EPHB2: variants seen among roughly 807,000 people sequenced by gnomAD.
EPHB2 encodes ephrin type-B receptor 2.
EPHB2 carries 18 observed loss-of-function variants against 96.4 expected under a neutral mutation model. That is an observed-to-expected ratio of 0.19 (90% CI 0.13 to 0.28). The LOEUF (loss-of-function observed/expected upper bound fraction) is 0.28. Ranked by LOEUF, EPHB2 falls within the 10% of genes least tolerant of loss-of-function variation. The pLI is 1.00. For missense variants in EPHB2, 989 were observed against 1,355.4 expected (o/e 0.73, Z 4.25); for synonymous variants, 506 against 534.1 (o/e 0.95, Z 0.72).
intron 3 of EPHB2, among the ~76,000 whole-genome samples, chr1:22,826,695 G>A (rs1645229244): frequency 6.6e-6 from 1 of 152,196 alleles, no homozygotes. Context: ...AGCTGGTCTG[G>A]CTCACTGTGT....
At chr1:22,852,775 T>C (rs1645642162) in intron 3 of EPHB2, among the ~76,000 whole-genome samples, 1 of 152,216 alleles carries the variant, frequency 6.6e-6, no homozygotes, top group Non-Finnish European at 1.5e-5. Context: ...CAGGGGACCT[T>C]GCAGCCTGTC....
chr1:22,852,411 C>A (rs555497399), intron 3 of EPHB2, among the ~76,000 whole-genome samples: 3 of 152,214 alleles, frequency 2.0e-5, no homozygotes, highest in Non-Finnish European at 4.4e-5. Context: ...AATGTCCTTC[C>A]TTAATTGCTT....
chr1:22,800,106 C>G (rs1487720704), intron 3 of EPHB2: 1 of 152,400 alleles, frequency 6.6e-6, no homozygotes, highest in Non-Finnish European at 1.5e-5. Flanking sequence ...AGCTGTCTGT[C>G]TGTGGGAGCT....
chr1:22,718,637 C>T (rs887362066), intron 1 of EPHB2, among the ~76,000 whole-genome samples: 3 of 152,076 alleles, frequency 2.0e-5, no homozygotes, highest in African/African-American at 7.2e-5. Flanking sequence ...ATCCACCTGC[C>T]TCGGCCTCCC....
At chr1:22,890,453 A>G (rs1184219931) in intron 6 of EPHB2, among the ~76,000 whole-genome samples, 2 of 152,008 alleles carry the variant, frequency 1.3e-5, no homozygotes, top group Non-Finnish European at 2.9e-5. Flanking sequence ...AGCCCCCTTC[A>G]TATCCCCTAC....
intron 3 of EPHB2, among the ~76,000 whole-genome samples, chr1:22,848,713 G>A (rs1162725960): frequency 1.3e-5 from 2 of 152,168 alleles, no homozygotes; most frequent in Admixed American, 1.3e-4. Flanking sequence ...CAAGATCCTT[G>A]TTGTTTGTAT....
intron 1 of EPHB2, among the ~76,000 whole-genome samples, chr1:22,748,736 A>G (rs1250515195): frequency 3.4e-5 from 5 of 148,434 alleles, no homozygotes; most frequent in African/African-American, 1.3e-4. Context: ...ATGTACATAC[A>G]TAAACACACA....
At chr1:22,848,760 G>A (rs150435677) in intron 3 of EPHB2, among the ~76,000 whole-genome samples, 1,560 of 152,204 alleles carry the variant, frequency 0.01, 16 homozygotes, top group South Asian at 0.019. Flanking sequence ...CAAATGCTGG[G>A]ACCTCGAGTG....
intron 1 of EPHB2, among the ~76,000 whole-genome samples, chr1:22,730,303 G>A (rs1454849298): frequency 3.3e-5 from 5 of 152,242 alleles, no homozygotes; most frequent in Admixed American, 2.0e-4. Flanking sequence ...CGGATATCAA[G>A]CCAGGTGGCC....
At chr1:22,749,666 G>A (rs1003646945) in intron 1 of EPHB2, among the ~76,000 whole-genome samples, 1 of 152,152 alleles carries the variant, frequency 6.6e-6, no homozygotes, top group Non-Finnish European at 1.5e-5. Context: ...AGGATGGAGA[G>A]GGGAAGGATG....
intron 3 of EPHB2, among the ~76,000 whole-genome samples, chr1:22,837,144 T>G (rs1387388221): frequency 6.6e-6 from 1 of 152,142 alleles, no homozygotes; most frequent in Non-Finnish European, 1.5e-5. Flanking sequence ...GGGAGAGCTG[T>G]CAGTCATTCA....
intron 9 of EPHB2, among the ~76,000 whole-genome samples, chr1:22,898,820 T>C (rs976126428): frequency 1.2e-3 from 190 of 152,266 alleles, no homozygotes; most frequent in Non-Finnish European, 2.6e-4. Context: ...GCTGCAGGAC[T>C]GGATGTGGAT....
At chr1:22,798,329 T>G (rs922324454) in intron 3 of EPHB2, among the ~76,000 whole-genome samples, 1 of 152,102 alleles carries the variant, frequency 6.6e-6, no homozygotes, top group Non-Finnish European at 1.5e-5. Flanking sequence ...GCCCCACAGG[T>G]CTGTCTGTGG....
At chr1:22,887,797 A>G (rs1639272484) in intron 6 of EPHB2, among the ~76,000 whole-genome samples, 1 of 152,178 alleles carries the variant, frequency 6.6e-6, no homozygotes, top group African/African-American at 2.4e-5. Flanking sequence ...GCCCACATCA[A>G]TTTTAGAATT....
rs867369534 is a variant in EPHB2 at position 22,910,592 on chromosome 1, G to T, written c.2696+17G>T. Reference sequence around the variant, plus strand: ...CTCCTCTGGGTAAGGCCCCACCCTGGCCCTGCCCCAGCCAGGCCCTGCCCC... The same window carrying T: ...CTCCTCTGGGTAAGGCCCCACCCTGTCCCTGCCCCAGCCAGGCCCTGCCCC... On this transcript the variant is annotated intron_variant, in intron 14 of 15. Transcript: ENST00000374630. 23 of 1,613,258 alleles carry T rather than the reference G, an allele frequency of 1.4e-5. No homozygotes were observed. The highest frequency in any genetic ancestry group is 1.9e-5 in the Non-Finnish European group (23 of 1,179,762).
At chr1:22,798,296 T>C (rs983923454) in intron 3 of EPHB2, among the ~76,000 whole-genome samples, 1 of 152,154 alleles carries the variant, frequency 6.6e-6, no homozygotes, top group Non-Finnish European at 1.5e-5. Context: ...GGAGGGCTCC[T>C]GAGGGACTGA....
chr1:22,736,904 C>A (rs935377751), intron 1 of EPHB2, among the ~76,000 whole-genome samples: 1 of 152,098 alleles, frequency 6.6e-6, no homozygotes, highest in Non-Finnish European at 1.5e-5. Flanking sequence ...TGGGGGAGAC[C>A]GATTGGCTCG....
chr1:22,859,513 A>G (rs1387428268), intron 3 of EPHB2, among the ~76,000 whole-genome samples: 1 of 152,134 alleles, frequency 6.6e-6, no homozygotes, highest in Non-Finnish European at 1.5e-5. Flanking sequence ...TGTACAAATA[A>G]GGCTGGGCTC....
chr1:22,877,322 T>C lies in EPHB2; in HGVS notation c.1304-5037T>C, dbSNP rs140047751. On this transcript the variant is annotated intron_variant, in intron 5 of 15. Coordinates refer to ENST00000374630, the MANE Select transcript of EPHB2 (RefSeq NM_017449.5). ...AGTAATACCAGCCTTGTAGGGTTGA[T>C]AGGAGCATGAAGTGAGTTAACGGAT... 4.0e-3 allele frequency among the ~76,000 whole-genome samples: 604 copies of C among 152,308 alleles called. 2 individuals carry two copies. The highest frequency in any genetic ancestry group is 0.024 in the Middle Eastern group (7 of 294).
Sources: allele counts gnomAD v4.1 joint callset (sites outside exome capture counted in the v4.1 genomes callset), GRCh38; gene constraint gnomAD v4.1.1; transcripts MANE v1.5; gene names NCBI Gene and HGNC (gene_info 2026-07-23, HGNC 2026-07-21).